The following KLHL12 variants were observed in gnomAD, a reference collection of about 807,000 sequenced individuals.
The protein encoded by KLHL12 is kelch-like protein 12.
In KLHL12, 17 loss-of-function variants were observed where a neutral mutation model predicts 60.8. The observed-to-expected ratio is 0.28, with a 90% CI of 0.19 to 0.42. The LOEUF is 0.42. Ranked by LOEUF, KLHL12 falls within the 10% of genes least tolerant of loss-of-function variation. The probability of loss-of-function intolerance (pLI) is 1.00; values close to 1 mark genes in which losing one functional copy is unlikely to be tolerated. For synonymous variants in KLHL12, 220 were observed against 250.9 expected (o/e 0.88, Z 1.16); for missense variants, 468 against 722.3 (o/e 0.65, Z 4.04).
chr1:202,921,177 A>ATTT (rs568392113), intron 2 of KLHL12, among the ~76,000 whole-genome samples: 80 of 135,156 alleles, frequency 5.9e-4, no homozygotes, highest in South Asian at 1.9e-3. Flanking sequence ...CAACCAGCTA[A>ATTT]TTTTTTTTTT....
At chr1:202,899,838 A>AAAT (rs1557987830) in intron 6 of KLHL12, among the ~76,000 whole-genome samples, 37 of 148,102 alleles carry the variant, frequency 2.5e-4, no homozygotes, top group South Asian at 4.3e-4. Flanking sequence ...AAAAAAAAAA[A>AAAT]AATAATAATA....
chr1:202,920,280 C>T (rs1253557005), intron 2 of KLHL12, among the ~76,000 whole-genome samples: 1 of 150,768 alleles, frequency 6.6e-6, no homozygotes, highest in African/African-American at 2.4e-5. Context: ...TGCCACTCCA[C>T]TCCAGCCTGG....
At position 202,893,151 on chromosome 1, in the gene KLHL12, T is replaced by C; in HGVS notation, c.1580+88A>G. ...CTGGAGATGTCTACCCCTACCCAAGTCTTGTCTCTGTCCAAAAATGAGGAT... is the reference window on the plus strand; with the variant it reads ...CTGGAGATGTCTACCCCTACCCAAGCCTTGTCTCTGTCCAAAAATGAGGAT... On this transcript the variant is annotated intron_variant, in intron 11 of 11. Transcript: ENST00000367261. The surrounding 1 kb of genome is among the most constrained non-coding windows in gnomAD (Gnocchi z 4.1). 9.1e-7 allele frequency: 1 copy of C among 1,094,474 alleles called. No homozygotes were observed. The highest frequency in any genetic ancestry group is 1.6e-5 in the African/African-American group (1 of 62,156). 67.8% of individuals were successfully genotyped at this position (1,094,474 alleles called of 1,614,324 possible).
intron 11 of KLHL12, 60 bp from the exon 12 acceptor site, chr1:202,892,719 G>A (rs1659715763): frequency 6.3e-7 from 1 of 1,580,858 alleles, no homozygotes; most frequent in Non-Finnish European, 8.6e-7. Flanking sequence ...GCACGTGCCT[G>A]TAATCCCAAC....
At chr1:202,912,435 G>A in intron 4 of KLHL12, 1 of 828,672 alleles carries the variant, frequency 1.2e-6, no homozygotes, top group Non-Finnish European at 2.1e-6. Context: ...GGTCGTGGAG[G>A]TGGTTTCGGT....
intron 6 of KLHL12, among the ~76,000 whole-genome samples, chr1:202,903,996 C>CTATG (rs542051701): frequency 1.0e-3 from 153 of 147,406 alleles, no homozygotes; most frequent in East Asian, 6.3e-3. Flanking sequence ...ATCTATGTAT[C>CTATG]TATCTATCTA....
chr1:202,906,765 G>A (rs546894369), intron 6 of KLHL12, among the ~76,000 whole-genome samples: 59 of 152,108 alleles, frequency 3.9e-4, no homozygotes, highest in African/African-American at 1.3e-3. Flanking sequence ...GGGTTCAAGC[G>A]ATTCTCCTGC....
intron 1 of KLHL12, 55 bp from the exon 2 acceptor site, chr1:202,925,262 C>A: frequency 6.5e-7 from 1 of 1,538,590 alleles, no homozygotes; most frequent in Non-Finnish European, 8.7e-7. Context: ...GGCAACTGAA[C>A]ATATTTAATT....
At chr1:202,927,236 G>A (rs1290175876), upstream of KLHL12, 1 of 985,084 alleles carries the variant, frequency 1.0e-6, no homozygotes, top group African/African-American at 1.7e-5. Context: ...TCCGGGTCTG[G>A]CCCCTGCGGC....
chr1:202,904,369 GA>G (rs36105813), intron 6 of KLHL12, among the ~76,000 whole-genome samples: 82,734 of 151,976 alleles, frequency 0.54, 23,360 homozygotes, highest in Non-Finnish European at 0.62. Context: ...TTTTGTATAT[GA>G]TTTTTTTATT....
At chr1:202,903,069 G>A (rs950540803) in intron 6 of KLHL12, among the ~76,000 whole-genome samples, 7 of 150,432 alleles carry the variant, frequency 4.7e-5, no homozygotes, top group African/African-American at 1.7e-4. Flanking sequence ...GCTGAGGTGG[G>A]AGGATTGCTT....
At chr1:202,900,057 T>C (rs1345332191) in intron 6 of KLHL12, among the ~76,000 whole-genome samples, 1 of 152,164 alleles carries the variant, frequency 6.6e-6, no homozygotes, top group Non-Finnish European at 1.5e-5. Context: ...GTGATCCTTC[T>C]ATCCAAACAC....
At chr1:202,925,316 C>G (rs932856025) in intron 1 of KLHL12, 109 bp from the exon 2 acceptor site, 8 of 1,314,536 alleles carry the variant, frequency 6.1e-6, no homozygotes, top group Non-Finnish European at 8.1e-6. Flanking sequence ...CAGACCCAAA[C>G]ATACACAAGT....
intron 9 of KLHL12, 87 bp from the exon 10 acceptor site, chr1:202,894,369 T>C (rs1235920052): frequency 8.5e-6 from 8 of 946,632 alleles, no homozygotes; most frequent in Non-Finnish European, 1.3e-5. Flanking sequence ...CAACTAATTA[T>C]TTTAGTTTCA....
intron 4 of KLHL12, among the ~76,000 whole-genome samples, chr1:202,915,207 G>A (rs1660488006): frequency 6.6e-6 from 1 of 152,214 alleles, no homozygotes; most frequent in South Asian, 2.1e-4. Context: ...TTATAGAAGA[G>A]GAAACTGAAA....
rs1401206935 is a variant in KLHL12, at chr1:202,909,220, GA to G, written c.718-97del. ...TGCAAATAATTAACTTCTGACTACA[GA>G]AAACCAGTTTGCAAAGCCCTGTGAT... On this transcript the variant is annotated intron_variant, in intron 5 of 11. Coordinates refer to ENST00000367261, the MANE Select transcript of KLHL12 (RefSeq NM_021633.4). The surrounding 1 kb of genome is among the most constrained non-coding windows in gnomAD (Gnocchi z 4.1). 9.3e-6 allele frequency: 7 copies of G among 751,882 alleles called. No individual in the cohort carries two copies. Among genetic ancestry groups the G allele is most frequent in the Non-Finnish European group, 1.6e-5 (7 of 446,936 alleles). The allele number at this position is 751,882 out of a possible 1,614,324, so 46.6% of individuals were successfully genotyped here.
chr1:202,916,277 T>C (rs1016819711), intron 4 of KLHL12, among the ~76,000 whole-genome samples: 5 of 152,256 alleles, frequency 3.3e-5, no homozygotes, highest in African/African-American at 1.2e-4. Context: ...GGAACCAATG[T>C]GACCAATGTG....
At chr1:202,906,420 A>T (rs1055711715) in intron 6 of KLHL12, among the ~76,000 whole-genome samples, 7 of 136,806 alleles carry the variant, frequency 5.1e-5, no homozygotes, top group African/African-American at 1.7e-4. Flanking sequence ...ATGCCACTGC[A>T]CTCCAGCCTG....
intron 9 of KLHL12, 149 bp from the exon 10 acceptor site, chr1:202,894,431 A>G (rs1659768008): frequency 2.2e-6 from 2 of 895,850 alleles, no homozygotes; most frequent in Admixed American, 4.3e-5. Flanking sequence ...CATTATGCTT[A>G]TAAGAAAAAG....
Sources: allele counts gnomAD v4.1 joint callset (sites outside exome capture counted in the v4.1 genomes callset), GRCh38; gene constraint gnomAD v4.1.1; non-coding constraint Gnocchi (gnomAD v3.1); transcripts MANE v1.5; gene names NCBI Gene and HGNC (gene_info 2026-07-23, HGNC 2026-07-21).